ADK: variants seen among roughly 807,000 people sequenced by gnomAD.
ADK encodes the protein N6,N6-dimethyladenosine kinase.
In ADK, 24 loss-of-function variants were observed where a neutral mutation model predicts 44.7. That is an observed-to-expected ratio of 0.54 (90% CI 0.39 to 0.76). The LOEUF (loss-of-function observed/expected upper bound fraction) is 0.76. Among genes scored for constraint, ADK ranks in the 30% least tolerant of loss-of-function variants. ADK has a pLI of 0.00. For missense variants in ADK, 321 were observed against 425.1 expected (o/e 0.76, Z 2.15); for synonymous variants, 128 against 142.6 (o/e 0.90, Z 0.73).
chr10:74,169,249 A>G (rs906896138), intron 1 of ADK, among the ~76,000 whole-genome samples: 2 of 152,222 alleles, frequency 1.3e-5, no homozygotes, highest in African/African-American at 4.8e-5. Flanking sequence ...ATATTTCATA[A>G]GGTTAGCAAC....
intron 6 of ADK, among the ~76,000 whole-genome samples, chr10:74,459,580 T>C (rs1337043467): frequency 6.6e-6 from 1 of 151,592 alleles, no homozygotes; most frequent in East Asian, 2.0e-4. Flanking sequence ...AATACAAAAA[T>C]TACCTGGGCG....
chr10:74,484,230 C>T lies in ADK; in HGVS notation c.556-41026C>T, dbSNP rs140104281. ...ATCATGGCAGAAGGGGAAGCAGGCACATCTTAAATGGCTGGAGCAGAAGGA... is the reference window on the plus strand; with the variant it reads ...ATCATGGCAGAAGGGGAAGCAGGCATATCTTAAATGGCTGGAGCAGAAGGA... On this transcript the variant is annotated intron_variant, in intron 6 of 10. Coordinates refer to ENST00000539909, the MANE Select transcript of ADK (RefSeq NM_006721.4). Among the ~76,000 whole-genome samples, 17 of 152,220 alleles carry T rather than the reference C, an allele frequency of 1.1e-4. No homozygotes were observed. In the East Asian group the frequency reaches 3.1e-3, roughly 28 times the overall value.
At chr10:74,577,110 CTGTGTGTGTGTGTG>C (rs146683037) in intron 7 of ADK, among the ~76,000 whole-genome samples, 11 of 137,418 alleles carry the variant, frequency 8.0e-5, no homozygotes, top group South Asian at 2.5e-4. Flanking sequence ...TATTATTTCT[CTGTGTGTGTGTGTG>C]TGTGTGTGTG....
chr10:74,580,647 A>G (rs1851342780), intron 7 of ADK, among the ~76,000 whole-genome samples: 1 of 151,436 alleles, frequency 6.6e-6, no homozygotes, highest in South Asian at 2.1e-4. Flanking sequence ...GTAAGATGTG[A>G]CGTGCTCCTC....
chr10:74,471,903 G>T (rs988812038), intron 6 of ADK, among the ~76,000 whole-genome samples: 1 of 151,806 alleles, frequency 6.6e-6, no homozygotes, highest in African/African-American at 2.4e-5. Flanking sequence ...AGGTTTTTTT[G>T]TATGTGCAGT....
chr10:74,296,559 C>T (rs971573022), intron 3 of ADK, among the ~76,000 whole-genome samples: 3 of 151,670 alleles, frequency 2.0e-5, no homozygotes, highest in African/African-American at 7.3e-5. Context: ...TTGCTACAAC[C>T]TCTTTGAAGG....
intron 4 of ADK, among the ~76,000 whole-genome samples, chr10:74,324,076 G>A (rs1478907236): frequency 1.3e-5 from 2 of 152,088 alleles, no homozygotes; most frequent in Non-Finnish European, 2.9e-5. Flanking sequence ...AGGCTGGAGT[G>A]CAGTGGCACA....
chr10:74,563,608 C>T (rs1296375283), intron 7 of ADK, among the ~76,000 whole-genome samples: 2 of 152,142 alleles, frequency 1.3e-5, no homozygotes, highest in Admixed American at 1.3e-4. Context: ...AATATTCTTA[C>T]TTTTACTTTA....
intron 3 of ADK, among the ~76,000 whole-genome samples, chr10:74,263,079 G>T (rs1193878159): frequency 6.6e-6 from 1 of 152,110 alleles, no homozygotes; most frequent in Admixed American, 6.6e-5. Flanking sequence ...CCTGGTTTAG[G>T]AATCCATGAA....
chr10:74,195,707 C>CTTTTTTTTTTTTT (rs71475265), intron 1 of ADK, among the ~76,000 whole-genome samples: 6 of 97,520 alleles, frequency 6.2e-5, no homozygotes, highest in Non-Finnish European at 9.7e-5. Context: ...TCTTTTCTTT[C>CTTTTTTTTTTTTT]TTTTTTTTTT....
At chr10:74,547,448 T>TATA in intron 7 of ADK, among the ~76,000 whole-genome samples, 2 of 17,940 alleles carry the variant, frequency 1.1e-4, no homozygotes, top group South Asian at 8.8e-4. Flanking sequence ...ATATATATAT[T>TATA]TATTTATTTA....
intron 7 of ADK, among the ~76,000 whole-genome samples, chr10:74,578,917 C>G (rs1851284928): frequency 6.6e-6 from 1 of 152,058 alleles, no homozygotes; most frequent in African/African-American, 2.4e-5. Flanking sequence ...GACATGGTGG[C>G]TACATCTTAG....
At position 74,620,152 on chromosome 10, in the gene ADK, A is replaced by G. The variant is rs181637687; in HGVS notation, c.877+19659A>G. On this transcript the variant is annotated intron_variant, in intron 9 of 10. Coordinates refer to ENST00000539909, the MANE Select transcript of ADK (RefSeq NM_006721.4). ...ATCCTCCTTCTCACTATTTGAAACT[A>G]TGTAATATATTATTGTTAACTGTAG... Among the ~76,000 whole-genome samples, 780 of 152,322 alleles carry G rather than the reference A, an allele frequency of 5.1e-3. 9 individuals carry two copies. Among genetic ancestry groups the G allele is most frequent in the African/African-American group, 0.018 (742 of 41,566 alleles).
intron 3 of ADK, among the ~76,000 whole-genome samples, chr10:74,260,051 A>G (rs759487052): frequency 1.4e-4 from 21 of 152,056 alleles, no homozygotes; most frequent in Non-Finnish European, 2.9e-4. Flanking sequence ...AGCTTTGGCC[A>G]TTTAAAAAAA....
At chr10:74,560,201 G>A (rs759430423) in intron 7 of ADK, among the ~76,000 whole-genome samples, 91 of 152,304 alleles carry the variant, frequency 6.0e-4, no homozygotes, top group Non-Finnish European at 9.6e-4. Context: ...TTGCAGGCAT[G>A]AGCCACCATA....
chr10:74,353,950 G>A (rs115953932), intron 4 of ADK, among the ~76,000 whole-genome samples: 1,992 of 152,292 alleles, frequency 0.013, 45 homozygotes, highest in African/African-American at 0.045. Flanking sequence ...ATTACAGAAA[G>A]TCATAGATTA....
At chr10:74,230,850 T>G (rs1844733656) in intron 3 of ADK, among the ~76,000 whole-genome samples, 1 of 152,020 alleles carries the variant, frequency 6.6e-6, no homozygotes, top group South Asian at 2.1e-4. Flanking sequence ...TCTGGCTAAT[T>G]TTTATATTTT....
At chr10:74,350,578 A>G (rs1352558105) in intron 4 of ADK, among the ~76,000 whole-genome samples, 4 of 152,196 alleles carry the variant, frequency 2.6e-5, no homozygotes, top group Non-Finnish European at 5.9e-5. Context: ...GCAGAACTGA[A>G]GGAGGTACAG....
At chr10:74,493,946 G>A (rs1847587321) in intron 6 of ADK, among the ~76,000 whole-genome samples, 1 of 151,958 alleles carries the variant, frequency 6.6e-6, no homozygotes, top group Non-Finnish European at 1.5e-5. Context: ...TATTTGCAGT[G>A]TACTTCATAT....
Sources: gnomAD v4.1 joint callset for allele counts (sites outside exome capture counted in the v4.1 genomes callset) on GRCh38, gnomAD v4.1.1 for gene constraint, MANE v1.5 for transcripts, NCBI Gene and HGNC (gene_info 2026-07-23, HGNC 2026-07-21) for gene names.